Variants in MELK observed in about 807,000 individuals in gnomAD.
MELK encodes pEg3 kinase.
In MELK, 81 loss-of-function variants were observed where a neutral mutation model predicts 85.0. The ratio of observed to expected loss-of-function variants is 0.95; its 90% confidence interval spans 0.80 to 1.15. The LOEUF is 1.15. Ranked by LOEUF, MELK falls within the 50% of genes most tolerant of loss-of-function variation. The pLI is 0.00. For synonymous variants in MELK, 252 were observed against 265.0 expected (o/e 0.95, Z 0.48); for missense variants, 754 against 777.5 (o/e 0.97, Z 0.36).
chr9:36,643,663 G>A (rs1477639013), intron 11 of MELK, among the ~76,000 whole-genome samples: 2 of 151,886 alleles, frequency 1.3e-5, no homozygotes, highest in African/African-American at 2.4e-5. Context: ...GGCCGGGCAC[G>A]GTGGCTCACG....
chr9:36,591,086 T>C (rs981376992), intron 4 of MELK, among the ~76,000 whole-genome samples: 2 of 152,102 alleles, frequency 1.3e-5, no homozygotes, highest in Admixed American at 6.6e-5. Context: ...AACAAACCCC[T>C]GTCTCTAAAA....
At chr9:36,579,129 G>A (rs1044744077) in intron 1 of MELK, among the ~76,000 whole-genome samples, 9 of 152,294 alleles carry the variant, frequency 5.9e-5, no homozygotes, top group African/African-American at 2.2e-4. Flanking sequence ...CTGGGTTCAA[G>A]CAGTTCTCCT....
At chr9:36,581,021 C>T (rs928303443) in intron 1 of MELK, among the ~76,000 whole-genome samples, 5 of 152,170 alleles carry the variant, frequency 3.3e-5, no homozygotes, top group African/African-American at 1.2e-4. Flanking sequence ...AGCCACCATG[C>T]CCGGCTGAGA....
intron 10 of MELK, among the ~76,000 whole-genome samples, chr9:36,640,226 A>G (rs1829633891): frequency 1.3e-5 from 2 of 152,174 alleles, no homozygotes; most frequent in Non-Finnish European, 1.5e-5. Flanking sequence ...TATTTCTTGC[A>G]GTTCTGGAGG....
intron 1 of MELK, among the ~76,000 whole-genome samples, chr9:36,578,714 C>G (rs1465596882): frequency 6.6e-6 from 1 of 152,192 alleles, no homozygotes; most frequent in Non-Finnish European, 1.5e-5. Context: ...AGGAATATCA[C>G]AGTCTGATTA....
chr9:36,642,651 A>G (rs1424799146), intron 10 of MELK, among the ~76,000 whole-genome samples: 2 of 151,356 alleles, frequency 1.3e-5, no homozygotes, highest in African/African-American at 4.9e-5. Flanking sequence ...CCAGTCTCAA[A>G]CTCCTGACCT....
intron 3 of MELK, among the ~76,000 whole-genome samples, chr9:36,586,021 G>T (rs1344004498): frequency 1.3e-5 from 2 of 152,032 alleles, no homozygotes; most frequent in Non-Finnish European, 2.9e-5. Flanking sequence ...AATTGTTAAA[G>T]ATATAAGTTC....
At chr9:36,607,339 G>C (rs941303388) in intron 7 of MELK, among the ~76,000 whole-genome samples, 2 of 152,166 alleles carry the variant, frequency 1.3e-5, no homozygotes, top group African/African-American at 2.4e-5. Flanking sequence ...GGAGGAGAGT[G>C]CATTAAATTG....
intron 11 of MELK, among the ~76,000 whole-genome samples, chr9:36,648,008 G>A (rs1431940873): frequency 6.6e-6 from 1 of 152,126 alleles, no homozygotes; most frequent in African/African-American, 2.4e-5. Context: ...CATGTACTTT[G>A]TGAGGGGGCT....
chr9:36,669,845 G>A (rs986677790), intron 15 of MELK, among the ~76,000 whole-genome samples: 5 of 148,316 alleles, frequency 3.4e-5, no homozygotes, highest in African/African-American at 1.3e-4. Context: ...TTCTTTTATA[G>A]CAATTTCTTA....
rs1207861818 is a variant in MELK, at chr9:36,667,848, A to G, written c.1409-1462A>G. ...AGTGGCATGATCTTGCCTCACTGCA[A>G]CCTTCGCCTCCCAGGTTCAAGAGAT... On this transcript the variant is annotated intron_variant, in intron 14 of 17. Transcript: ENST00000298048. Among the ~76,000 whole-genome samples the G allele has an allele frequency of 4.6e-5, 7 of 151,900 alleles. No individual in the cohort carries two copies. The East Asian group carries it at 1.4e-3, about 29-fold the overall frequency.
intron 11 of MELK, among the ~76,000 whole-genome samples, chr9:36,650,271 T>A (rs1422681711): frequency 1.4e-5 from 2 of 142,162 alleles, no homozygotes; most frequent in South Asian, 2.3e-4. Context: ...AAAAAAAAAA[T>A]TTAAGATTAA....
chr9:36,600,203 C>T (rs1396211173), intron 7 of MELK, among the ~76,000 whole-genome samples: 1 of 151,684 alleles, frequency 6.6e-6, no homozygotes, highest in East Asian at 1.9e-4. Context: ...AAGCGATTCT[C>T]CTTCAGCCTC....
intron 13 of MELK, among the ~76,000 whole-genome samples, chr9:36,659,775 G>A (rs1472564561): frequency 6.6e-6 from 1 of 152,106 alleles, no homozygotes; most frequent in African/African-American, 2.4e-5. Context: ...TGAGATCTTA[G>A]ATCCTTCTAA....
intron 11 of MELK, among the ~76,000 whole-genome samples, chr9:36,647,821 A>G (rs1320247718): frequency 6.6e-6 from 1 of 151,968 alleles, no homozygotes; most frequent in Non-Finnish European, 1.5e-5. Context: ...TCTTTGCCTC[A>G]CCCTGTTTGG....
chr9:36,615,462 C>T (rs1251426440), intron 8 of MELK, among the ~76,000 whole-genome samples: 1 of 143,792 alleles, frequency 7.0e-6, no homozygotes, highest in Non-Finnish European at 1.5e-5. Context: ...CCACCTCCCT[C>T]CCGGATGGGG....
At chr9:36,622,420 G>A (rs1041884476) in intron 8 of MELK, among the ~76,000 whole-genome samples, 7 of 152,058 alleles carry the variant, frequency 4.6e-5, no homozygotes, top group African/African-American at 1.7e-4. Flanking sequence ...AATATTTGAC[G>A]CACCGTATGT....
intron 5 of MELK, among the ~76,000 whole-genome samples, chr9:36,595,182 C>G (rs1824069887): frequency 1.3e-5 from 2 of 152,012 alleles, no homozygotes; most frequent in African/African-American, 4.8e-5. Flanking sequence ...GTCGCCCAGG[C>G]TGGAGTGCAG....
intron 5 of MELK, among the ~76,000 whole-genome samples, chr9:36,596,136 T>C (rs1484012963): frequency 6.6e-6 from 1 of 152,070 alleles, no homozygotes; most frequent in Non-Finnish European, 1.5e-5. Context: ...TTTTTCCATC[T>C]GTTTATACTG....
Sources: gnomAD v4.1 joint callset for allele counts (sites outside exome capture counted in the v4.1 genomes callset) on GRCh38, gnomAD v4.1.1 for gene constraint, MANE v1.5 for transcripts, NCBI Gene and HGNC (gene_info 2026-07-23, HGNC 2026-07-21) for gene names.